BRF1: variants seen among roughly 807,000 people sequenced by gnomAD.
BRF1 encodes the protein BRF1 general transcription factor IIIB subunit, also known as transcription factor IIIB 90 kDa subunit.
A neutral mutation model predicts 81.7 loss-of-function variants in BRF1; 59 were observed. That is an observed-to-expected ratio of 0.72 (90% CI 0.59 to 0.90). BRF1 has a LOEUF of 0.90. Among genes scored for constraint, BRF1 ranks in the 40% least tolerant of loss-of-function variants. The pLI is 0.00. For synonymous variants in BRF1, 491 were observed against 395.6 expected (o/e 1.24, Z -2.86); for missense variants, 1,050 against 936.3 (o/e 1.12, Z -1.58).
At chr14:105,304,136 C>A (rs1187491450), upstream of BRF1, among the ~76,000 whole-genome samples, 1 of 152,174 alleles carries the variant, frequency 6.6e-6, no homozygotes, top group Non-Finnish European at 1.5e-5. Context: ...CTGTACAGGA[C>A]AGGATTGGCC....
chr14:105,286,416 G>A (rs1253705395), intron 1 of BRF1, 40 bp from the exon 2 acceptor site: 1 of 1,580,068 alleles, frequency 6.3e-7, no homozygotes, highest in Non-Finnish European at 8.6e-7. Context: ...AAAACTTGGA[G>A]ATCTGCATTT....
chr14:105,220,436 C>G (rs587604773), intron 11 of BRF1, among the ~76,000 whole-genome samples: 1 of 152,328 alleles, frequency 6.6e-6, no homozygotes, highest in Non-Finnish European at 1.5e-5. Flanking sequence ...CTGTCAGGCC[C>G]CAAAGACCGA....
intron 1 of BRF1, among the ~76,000 whole-genome samples, chr14:105,293,471 G>C (rs1008728558): frequency 2.6e-5 from 4 of 152,240 alleles, no homozygotes; most frequent in Admixed American, 6.5e-5. Context: ...CACAGGACGA[G>C]GAGGGACCCC....
chr14:105,265,900 CAAAAAA>C lies in BRF1; in HGVS notation c.439+6815_439+6820del, dbSNP rs34375627. ...TGGGCGACAGAGCAAGACTCCCTCT[CAAAAAA>C]AAAAAAAAAAAAAAATTAGGTGGGC... On this transcript the variant is annotated intron_variant, in intron 3 of 17. Coordinates refer to ENST00000547530, the MANE Select transcript of BRF1 (RefSeq NM_001519.4). Among the ~76,000 whole-genome samples, 122 of 75,666 alleles carry C rather than the reference CAAAAAA, an allele frequency of 1.6e-3. 1 individual carries two copies. Among genetic ancestry groups the C allele is most frequent in the Non-Finnish European group, 5.2e-4 (21 of 40,326 alleles). 49.6% of individuals were successfully genotyped at this position (75,666 alleles called of 152,430 possible). A position where few individuals can be genotyped will look rare whatever the true frequency, so the allele number is the denominator to read the frequency against.
chr14:105,314,383 T>C (rs1395970947), intron 1 of BRF1: 1 of 148,686 alleles, frequency 6.7e-6, no homozygotes, highest in Non-Finnish European at 1.5e-5. Flanking sequence ...GAGCTTTCCT[T>C]AGGGGGCGGC....
At chr14:105,219,995 G>A (rs1892020028) in intron 12 of BRF1, 74 bp downstream of exon 12, 19 of 1,575,262 alleles carry the variant, frequency 1.2e-5, no homozygotes, top group East Asian at 1.1e-4. Flanking sequence ...AACCCCGCCC[G>A]ACCACTCAGG....
chr14:105,251,028 A>G (rs1300103051), intron 5 of BRF1: 1 of 254,924 alleles, frequency 3.9e-6, no homozygotes. Context: ...TTCCCTTCAA[A>G]TCTAAAATTG....
rs1595496673 is a variant in BRF1 at position 105,299,023 on chromosome 14, A to T, written c.184+1423T>A. On this transcript the variant is annotated intron_variant, in intron 1 of 17. Transcript: ENST00000547530. ...GTCTCCACTAAAAAATACAAAAAAA[A>T]TTAGCCGGGCATGGTAGTGGGCTCC... Among the ~76,000 whole-genome samples, 4 of 151,644 alleles carry T rather than the reference A, an allele frequency of 2.6e-5. No individual in the cohort carries two copies. The South Asian group carries it at 8.3e-4, about 32-fold the overall frequency.
intron 1 of BRF1, among the ~76,000 whole-genome samples, chr14:105,294,317 A>G (rs923917103): frequency 5.9e-5 from 9 of 152,328 alleles, no homozygotes; most frequent in African/African-American, 2.2e-4. Context: ...GCCACCTGAC[A>G]GCGCTGGCTC....
At chr14:105,250,143 G>A (rs61742282) in intron 5 of BRF1, 2 of 1,612,970 alleles carry the variant, frequency 1.2e-6, no homozygotes, top group African/African-American at 1.3e-5. Flanking sequence ...GAGACCCACA[G>A]CATCTTCCTG....
At chr14:105,279,079 T>C (rs1166500205) in intron 2 of BRF1, among the ~76,000 whole-genome samples, 2 of 151,750 alleles carry the variant, frequency 1.3e-5, no homozygotes, top group Admixed American at 6.6e-5. Flanking sequence ...TGTGGTGGCA[T>C]GTACACGTGA....
At chr14:105,244,365 G>A (rs1352799497) in intron 5 of BRF1, among the ~76,000 whole-genome samples, 1 of 152,202 alleles carries the variant, frequency 6.6e-6, no homozygotes, top group Non-Finnish European at 1.5e-5. Flanking sequence ...GATTGCTTGA[G>A]TCCAGGAGGT....
chr14:105,275,305 ACCTAAGGCCACCTG>A (rs2056836550), intron 2 of BRF1, among the ~76,000 whole-genome samples: 2 of 152,152 alleles, frequency 1.3e-5, no homozygotes, highest in Admixed American at 1.3e-4. Flanking sequence ...CACCTTGAGC[ACCTAAGGCCACCTG>A]CCTAGAGCTC....
chr14:105,225,375 G>C lies in BRF1; in HGVS notation c.1048+694C>G, dbSNP rs911371199. On this transcript the variant is annotated intron_variant, in intron 10 of 17. Transcript: ENST00000547530. ...TGAAAAGCTAGTTCAGACCATGATG[G>C]GAAGTGGGGGCGGGGTCAGACACGC... Among the ~76,000 whole-genome samples the C allele has an allele frequency of 2.6e-5, 4 of 152,304 alleles. No individual in the cohort carries two copies. In the South Asian group the frequency reaches 8.3e-4, roughly 32 times the overall value.
At chr14:105,255,643 C>T (rs1345017051) in intron 4 of BRF1, among the ~76,000 whole-genome samples, 2 of 152,188 alleles carry the variant, frequency 1.3e-5, no homozygotes, top group East Asian at 1.9e-4. Context: ...CCCCCAGCAC[C>T]GTCCCTGCAG....
intron 5 of BRF1, chr14:105,251,094 CCCA>C (rs2055581177): frequency 4.9e-6 from 1 of 205,336 alleles, no homozygotes; most frequent in African/African-American, 2.3e-5. Context: ...TAAAATAACA[CCCA>C]CGTGTCAGTA....
chr14:105,305,492 T>C (rs587747906), upstream of BRF1, among the ~76,000 whole-genome samples: 45 of 152,306 alleles, frequency 3.0e-4, no homozygotes, highest in East Asian at 1.3e-3. Flanking sequence ...AAGAGGGCAC[T>C]GTCTATGAAC....
rs191590049 is a variant in BRF1, at chr14:105,293,768, C to T, written c.184+6678G>A. Among the ~76,000 whole-genome samples the T allele has an allele frequency of 2.8e-3, 434 of 152,336 alleles. 2 individuals carry two copies. The highest frequency in any genetic ancestry group is 9.9e-3 in the African/African-American group (413 of 41,574). ...GACGCTGGAGCACCAGTGTGGTTTC[C>T]CCCGTGGGGCCTGGCTTCCAAGGTC... On this transcript the variant is annotated intron_variant, in intron 1 of 17. Coordinates refer to ENST00000547530, the MANE Select transcript of BRF1 (RefSeq NM_001519.4).
chr14:105,285,811 T>C (rs1286030706), intron 2 of BRF1, among the ~76,000 whole-genome samples: 1 of 151,912 alleles, frequency 6.6e-6, no homozygotes, highest in African/African-American at 2.4e-5. Flanking sequence ...ACACATAAAA[T>C]CACACATCCG....
Sources: allele counts gnomAD v4.1 joint callset (sites outside exome capture counted in the v4.1 genomes callset), GRCh38; gene constraint gnomAD v4.1.1; transcripts MANE v1.5; gene names NCBI Gene and HGNC (gene_info 2026-07-23, HGNC 2026-07-21).